The following TAS2R1 variants were observed in gnomAD, a reference collection of about 807,000 sequenced individuals.
The protein encoded by TAS2R1 is taste receptor type 2 member 1.
For missense variants in TAS2R1, 370 were observed against 353.4 expected (o/e 1.05, Z -0.38); for synonymous variants, 141 against 134.2 (o/e 1.05, Z -0.35).
At chr5:9,712,654 G>A (rs550457679), upstream of TAS2R1, among the ~76,000 whole-genome samples, 3 of 152,180 alleles carry the variant, frequency 2.0e-5, no homozygotes, top group Non-Finnish European at 2.9e-5. Context: ...CAGCCTGCTG[G>A]CTTGTCCAAC....
chr5:9,819,609 G>T, the TAS2R1 span, among the ~76,000 whole-genome samples: 9 of 152,154 alleles, frequency 5.9e-5, no homozygotes, highest in East Asian at 1.9e-4. Context: ...AGTTTTATTA[G>T]GTAAGAAATG....
chr5:9,731,440 GC>G, the TAS2R1 span, among the ~76,000 whole-genome samples: 1 of 148,996 alleles, frequency 6.7e-6, no homozygotes, highest in African/African-American at 2.5e-5. Flanking sequence ...GGCCCATGAG[GC>G]CCCCTGGAGT....
the TAS2R1 span, among the ~76,000 whole-genome samples, chr5:9,717,621 A>G: frequency 1.3e-5 from 2 of 152,186 alleles, no homozygotes; most frequent in Non-Finnish European, 2.9e-5. Flanking sequence ...CCCACAATTA[A>G]AACAGAGTGG....
the TAS2R1 span, among the ~76,000 whole-genome samples, chr5:9,795,549 G>A: frequency 1.3e-5 from 2 of 152,032 alleles, no homozygotes; most frequent in South Asian, 2.1e-4. Flanking sequence ...TGGAGGTTTC[G>A]GATAATGTCT....
the TAS2R1 span, among the ~76,000 whole-genome samples, chr5:9,768,401 C>A: frequency 6.6e-6 from 1 of 152,204 alleles, no homozygotes; most frequent in Non-Finnish European, 1.5e-5. Context: ...CACCCATTGA[C>A]CTTCATGAAA....
At chr5:9,721,342 G>C in the TAS2R1 span, among the ~76,000 whole-genome samples, 110 of 152,318 alleles carry the variant, frequency 7.2e-4, 1 homozygote, top group South Asian at 3.7e-3. Flanking sequence ...ACAGGATCTG[G>C]AGTCAGGTGG....
chr5:9,784,095 A>C, the TAS2R1 span, among the ~76,000 whole-genome samples: 1 of 152,370 alleles, frequency 6.6e-6, no homozygotes, highest in East Asian at 1.9e-4. Context: ...TAAAGAACAC[A>C]GGATGGTACT....
chr5:9,898,380 A>G, the TAS2R1 span, among the ~76,000 whole-genome samples: 10 of 152,140 alleles, frequency 6.6e-5, no homozygotes, highest in African/African-American at 2.4e-4. Context: ...CCAAGATCAG[A>G]GGAAATTCTT....
chr5:9,822,135 T>C, the TAS2R1 span, among the ~76,000 whole-genome samples: 5 of 152,160 alleles, frequency 3.3e-5, no homozygotes, highest in African/African-American at 1.2e-4. Flanking sequence ...CCTTAAGACT[T>C]TCGTATAGGT....
At chr5:9,847,481 C>T in the TAS2R1 span, among the ~76,000 whole-genome samples, 1 of 152,198 alleles carries the variant, frequency 6.6e-6, no homozygotes. Flanking sequence ...AATGCAGAAC[C>T]TGAGATAGGA....
chr5:9,766,061 A>T, the TAS2R1 span, among the ~76,000 whole-genome samples: 1 of 152,172 alleles, frequency 6.6e-6, no homozygotes, highest in Non-Finnish European at 1.5e-5. Context: ...TTTATTCTTC[A>T]TTATCTCCAA....
At chr5:9,689,513 T>G (rs1335016907) in intron 1 of TAS2R1, among the ~76,000 whole-genome samples, 1 of 152,180 alleles carries the variant, frequency 6.6e-6, no homozygotes, top group Non-Finnish European at 1.5e-5. Flanking sequence ...AGTATCCATT[T>G]AAATATATAT....
chr5:9,748,338 T>C, the TAS2R1 span, among the ~76,000 whole-genome samples: 1 of 152,306 alleles, frequency 6.6e-6, no homozygotes, highest in East Asian at 1.9e-4. Flanking sequence ...GACCATAATC[T>C]AATGGTTTAA....
chr5:9,825,499 G>A, the TAS2R1 span, among the ~76,000 whole-genome samples: 1 of 152,182 alleles, frequency 6.6e-6, no homozygotes, highest in African/African-American at 2.4e-5. Flanking sequence ...TTCAAGATGA[G>A]ATTTGGGTGT....
intron 1 of TAS2R1, among the ~76,000 whole-genome samples, chr5:9,672,039 G>A (rs376944535): frequency 7.2e-5 from 11 of 152,068 alleles, no homozygotes; most frequent in East Asian, 5.8e-4. Context: ...AAGCAATAGG[G>A]GAAGGACTCC....
the TAS2R1 span, among the ~76,000 whole-genome samples, chr5:9,831,450 A>G: frequency 2.0e-5 from 3 of 152,232 alleles, no homozygotes; most frequent in African/African-American, 4.8e-5. Context: ...TTAAAATAAC[A>G]GAATACAGAA....
At chr5:9,842,337 T>TTTG in the TAS2R1 span, among the ~76,000 whole-genome samples, 1 of 148,298 alleles carries the variant, frequency 6.7e-6, no homozygotes. Context: ...TTTTTTTTTT[T>TTTG]TGAGAGACAG....
chr5:9,894,498 C>A, the TAS2R1 span, among the ~76,000 whole-genome samples: 2 of 152,122 alleles, frequency 1.3e-5, no homozygotes, highest in African/African-American at 4.8e-5. Context: ...GAGGACATGG[C>A]GAGAGGCCAG....
the TAS2R1 span, among the ~76,000 whole-genome samples, chr5:9,873,679 C>A: frequency 6.6e-6 from 1 of 151,686 alleles, no homozygotes; most frequent in Non-Finnish European, 1.5e-5. Context: ...CCAGCCTGGG[C>A]AACATGGTGA....
Sources: gnomAD v4.1 joint callset for allele counts (sites outside exome capture counted in the v4.1 genomes callset) on GRCh38, gnomAD v4.1.1 for gene constraint, MANE v1.5 for transcripts, NCBI Gene and HGNC (gene_info 2026-07-23, HGNC 2026-07-21) for gene names.